The following FRMD4A variants were observed in gnomAD, a reference collection of about 807,000 sequenced individuals.
The protein encoded by FRMD4A is FERM domain containing 4A, also known as FERM domain-containing protein 4A.
FRMD4A carries 29 observed loss-of-function variants against 129.1 expected under a neutral mutation model. That is an observed-to-expected ratio of 0.22 (90% CI 0.17 to 0.31). The LOEUF is 0.31. FRMD4A is among the 10% of genes least tolerant of loss of function. FRMD4A has a pLI of 1.00. For synonymous variants in FRMD4A, 634 were observed against 571.6 expected (o/e 1.11, Z -1.56); for missense variants, 1,272 against 1,375.8 (o/e 0.92, Z 1.19).
intron 2 of FRMD4A, among the ~76,000 whole-genome samples, chr10:14,072,437 G>T (rs1426982141): frequency 6.6e-6 from 1 of 152,154 alleles, no homozygotes; most frequent in East Asian, 1.9e-4. Flanking sequence ...ACATTATTTG[G>T]AAAATTAAAA....
chr10:14,149,741 G>T (rs1221651795), intron 2 of FRMD4A, among the ~76,000 whole-genome samples: 3 of 152,214 alleles, frequency 2.0e-5, no homozygotes, highest in African/African-American at 7.2e-5. Context: ...CTCAGGAAAG[G>T]TGGGAGATGG....
At chr10:13,982,022 G>T (rs1424622701) in intron 2 of FRMD4A, among the ~76,000 whole-genome samples, 1 of 152,120 alleles carries the variant, frequency 6.6e-6, no homozygotes, top group Non-Finnish European at 1.5e-5. Flanking sequence ...TGATCCTCCC[G>T]TCTCTGGCCC....
chr10:14,041,993 G>T (rs1833796747), intron 2 of FRMD4A, among the ~76,000 whole-genome samples: 1 of 152,140 alleles, frequency 6.6e-6, no homozygotes, highest in South Asian at 2.1e-4. Flanking sequence ...TATTCCAGTA[G>T]GTTCACTTTG....
At chr10:14,199,591 T>C (rs897910042) in intron 2 of FRMD4A, among the ~76,000 whole-genome samples, 1 of 152,164 alleles carries the variant, frequency 6.6e-6, no homozygotes, top group Admixed American at 6.5e-5. Context: ...GGTTTTGCCA[T>C]GTTGGCCAGG....
At chr10:13,793,009 T>C (rs1366070633) in intron 5 of FRMD4A, among the ~76,000 whole-genome samples, 2 of 152,260 alleles carry the variant, frequency 1.3e-5, no homozygotes, top group African/African-American at 4.8e-5. Context: ...GAGGTGATGA[T>C]TCTGCCTGGT....
chr10:14,315,116 C>T (rs1423843403), intron 2 of FRMD4A, among the ~76,000 whole-genome samples: 1 of 151,842 alleles, frequency 6.6e-6, no homozygotes, highest in East Asian at 1.9e-4. Flanking sequence ...TTTTTACGGA[C>T]TCTCCTTCCA....
chr10:14,068,045 C>G (rs971113356), intron 2 of FRMD4A, among the ~76,000 whole-genome samples: 1 of 152,180 alleles, frequency 6.6e-6, no homozygotes, highest in African/African-American at 2.4e-5. Flanking sequence ...GAAATTCCAC[C>G]AGTAGAAGTG....
At chr10:14,115,567 G>T (rs1838156722) in intron 2 of FRMD4A, among the ~76,000 whole-genome samples, 1 of 152,118 alleles carries the variant, frequency 6.6e-6, no homozygotes, top group Non-Finnish European at 1.5e-5. Context: ...TTGGAGGGAG[G>T]GCCTGGTGGG....
chr10:14,289,836 A>G (rs1845796353), intron 2 of FRMD4A, among the ~76,000 whole-genome samples: 2 of 152,110 alleles, frequency 1.3e-5, no homozygotes, highest in African/African-American at 4.8e-5. Flanking sequence ...TCCAGATGAT[A>G]TGCTCTTATA....
chr10:14,327,570 G>A (rs1163073996), intron 2 of FRMD4A, among the ~76,000 whole-genome samples: 1 of 152,216 alleles, frequency 6.6e-6, no homozygotes, highest in Non-Finnish European at 1.5e-5. Flanking sequence ...CAACCCTCCA[G>A]ACTCTGTGGC....
At chr10:14,097,938 A>G (rs1449112062) in intron 2 of FRMD4A, among the ~76,000 whole-genome samples, 2 of 145,988 alleles carry the variant, frequency 1.4e-5, no homozygotes, top group Non-Finnish European at 3.0e-5. Context: ...ATTGTATATT[A>G]CATATATTAT....
chr10:13,666,373 G>GGA (rs764812109), intron 17 of FRMD4A, 48 bp from the exon 18 acceptor site: 1 of 1,331,402 alleles, frequency 7.5e-7, no homozygotes, highest in Non-Finnish European at 1.1e-6. Context: ...TGCTGAGCAG[G>GGA]GAGACCCTCA....
chr10:13,863,455 T>C (rs530150482), intron 2 of FRMD4A, among the ~76,000 whole-genome samples: 1 of 150,512 alleles, frequency 6.6e-6, no homozygotes, highest in Non-Finnish European at 1.5e-5. Flanking sequence ...CCGGGCATGG[T>C]GGTGCACGCC....
intron 2 of FRMD4A, among the ~76,000 whole-genome samples, chr10:14,149,056 T>C (rs1055534450): frequency 1.3e-5 from 2 of 152,142 alleles, no homozygotes; most frequent in Non-Finnish European, 2.9e-5. Flanking sequence ...GATAAGGATG[T>C]TTCTAGGAAC....
In FRMD4A at chr10:13,750,113, A is replaced by AAAGAAAGAAAGAAAGAAAGAAATG. The variant is rs2091531089; in HGVS notation, c.465-2295_465-2294insCATTTCTTTCTTTCTTTCTTTCTT. On this transcript the variant is annotated intron_variant, in intron 8 of 24. Transcript: ENST00000357447. The stretch of plus-strand genomic sequence containing the variant: ...GAAAGAAAGAAAGAAAGAAATGAAG[A>AAAGAAAGAAAGAAAGAAAGAAATG]AAGAAAGAAAGAAAGAAAGAAAGAA... 1.7e-3 allele frequency among the ~76,000 whole-genome samples: 183 copies of AAAGAAAGAAAGAAAGAAAGAAATG among 108,132 alleles called. 3 individuals carry two copies. The highest frequency in any genetic ancestry group is 6.5e-3 in the Admixed American group (70 of 10,822). The allele number at this position is 108,132 out of a possible 152,430, so 70.9% of individuals were successfully genotyped here. A position where few individuals can be genotyped will look rare whatever the true frequency, so the allele number is the denominator to read the frequency against.
chr10:13,727,499 C>T (rs10906455), intron 12 of FRMD4A, among the ~76,000 whole-genome samples: 112,866 of 151,632 alleles, frequency 0.74, 42,589 homozygotes, highest in South Asian at 0.82. Flanking sequence ...CCGGGGTCAT[C>T]CTAGCTTCCG....
chr10:13,804,718 T>TC (rs983157739), intron 4 of FRMD4A, among the ~76,000 whole-genome samples: 1 of 149,076 alleles, frequency 6.7e-6, no homozygotes, highest in Non-Finnish European at 1.5e-5. Context: ...CTAATTCTTT[T>TC]TTTTTTTTTT....
intron 3 of FRMD4A, among the ~76,000 whole-genome samples, chr10:13,820,509 C>G (rs1335065651): frequency 1.3e-5 from 2 of 148,600 alleles, no homozygotes; most frequent in Non-Finnish European, 3.0e-5. Context: ...GATTCTAAGT[C>G]AAAAGAGTTG....
At chr10:14,170,813 G>A (rs922848767) in intron 2 of FRMD4A, among the ~76,000 whole-genome samples, 15 of 29,002 alleles carry the variant, frequency 5.2e-4, no homozygotes, top group African/African-American at 7.7e-4. Context: ...CTCTTCCCTG[G>A]CCTCTTCTCC....
Sources: allele counts gnomAD v4.1 joint callset (sites outside exome capture counted in the v4.1 genomes callset), GRCh38; gene constraint gnomAD v4.1.1; transcripts MANE v1.5; gene names NCBI Gene and HGNC (gene_info 2026-07-23, HGNC 2026-07-21).